ZNF280D: variants seen among roughly 807,000 people sequenced by gnomAD.
The protein encoded by ZNF280D is suppressor of hairy wing homolog 4.
Under a neutral mutation model 94.7 loss-of-function variants are expected in ZNF280D, and 39 were observed. That is an observed-to-expected ratio of 0.41 (90% confidence interval 0.32 to 0.54). ZNF280D has a LOEUF of 0.54. Among genes scored for constraint, ZNF280D ranks in the 20% least tolerant of loss-of-function variants. The pLI, the probability that ZNF280D is intolerant of heterozygous loss-of-function variation, is 0.22. For missense variants in ZNF280D, 1,090 were observed against 1,149.3 expected (o/e 0.95, Z 0.75); for synonymous variants, 398 against 377.6 (o/e 1.05, Z -0.63).
chr15:56,703,538 T>G (rs764522797), intron 4 of ZNF280D, among the ~76,000 whole-genome samples: 2 of 151,946 alleles, frequency 1.3e-5, no homozygotes, highest in Non-Finnish European at 2.9e-5. Context: ...TGGAGAAAAA[T>G]GAAAAAGAAT....
At chr15:56,654,115 C>T in intron 19 of ZNF280D, 83 bp downstream of exon 19, 1 of 1,537,888 alleles carries the variant, frequency 6.5e-7, no homozygotes, top group Non-Finnish European at 8.7e-7. Flanking sequence ...TAATACTTTT[C>T]ATTCGTATTA....
chr15:56,698,689 G>A (rs2056888587), intron 6 of ZNF280D: 1 of 152,090 alleles, frequency 6.6e-6, no homozygotes, highest in Admixed American at 6.6e-5. Flanking sequence ...TGATTTTTGT[G>A]TACGTGATTA....
At chr15:56,661,282 A>C (rs1395539227) in intron 16 of ZNF280D, among the ~76,000 whole-genome samples, 5 of 152,172 alleles carry the variant, frequency 3.3e-5, no homozygotes, top group Non-Finnish European at 7.3e-5. Flanking sequence ...AGTAGTTAGG[A>C]ATCTGATATG....
rs1210874393 is a variant in ZNF280D at position 56,707,356 on chromosome 15, G to A, written c.-85-50C>T. The A allele has an allele frequency of 5.5e-6, 8 of 1,444,610 alleles. No homozygotes were observed. The African/African-American group carries it at 1.1e-4, about 20-fold the overall frequency. The allele number at this position is 1,444,610 out of a possible 1,614,324, so 89.5% of individuals were successfully genotyped here. ...TAGGGTGGACTTCATTAAATTAGATGTATACATATTTAATCTTTTCTCCTA... is the reference window on the plus strand; with the variant it reads ...TAGGGTGGACTTCATTAAATTAGATATATACATATTTAATCTTTTCTCCTA... On this transcript the variant is annotated intron_variant, in intron 1 of 21. Coordinates refer to ENST00000267807, the MANE Select transcript of ZNF280D (RefSeq NM_017661.4).
chr15:56,708,783 G>T (rs1260975660), intron 1 of ZNF280D, among the ~76,000 whole-genome samples: 1 of 152,158 alleles, frequency 6.6e-6, no homozygotes, highest in Non-Finnish European at 1.5e-5. Context: ...AATAAATGGT[G>T]CTGGGAAAAC....
intron 6 of ZNF280D, chr15:56,700,002 A>C (rs571128132): frequency 6.1e-6 from 1 of 162,996 alleles, no homozygotes; most frequent in African/African-American, 2.4e-5. Context: ...ATCCACCATT[A>C]CTTTAGCATC....
At chr15:56,694,332 CACACACAA>C (rs1214809185) in intron 6 of ZNF280D, among the ~76,000 whole-genome samples, 2 of 139,102 alleles carry the variant, frequency 1.4e-5, no homozygotes, top group Admixed American at 1.5e-4. Context: ...CACACACACA[CACACACAA>C]GTATACTCCA....
chr15:56,635,165 T>G, intron 21 of ZNF280D, 30 bp downstream of exon 21: 1 of 1,406,514 alleles, frequency 7.1e-7, no homozygotes, highest in Non-Finnish European at 9.7e-7. Flanking sequence ...TACTTGAATT[T>G]TATGAAATTC....
intron 1 of ZNF280D, chr15:56,732,643 T>C (rs1264775000): frequency 6.6e-6 from 1 of 152,062 alleles, no homozygotes; most frequent in Non-Finnish European, 1.5e-5. Context: ...CAAAGGCCTT[T>C]GGCCAAAGGT....
intron 1 of ZNF280D, among the ~76,000 whole-genome samples, chr15:56,714,765 CA>C (rs1168538536): frequency 2.0e-5 from 3 of 151,996 alleles, no homozygotes; most frequent in Non-Finnish European, 4.4e-5. Context: ...TCCTTGAAGC[CA>C]AAACAATTCT....
At chr15:56,657,160 GTTCAAGAAATCAGAAGAATA>G (rs1371350026) in intron 17 of ZNF280D, among the ~76,000 whole-genome samples, 3 of 152,040 alleles carry the variant, frequency 2.0e-5, no homozygotes, top group Non-Finnish European at 2.9e-5. Flanking sequence ...AACAAAGAAA[GTTCAAGAAATCAGAAGAATA>G]TGAAACAATA....
intron 20 of ZNF280D, among the ~76,000 whole-genome samples, chr15:56,640,316 G>T (rs1178094493): frequency 8.6e-5 from 13 of 151,986 alleles, no homozygotes; most frequent in African/African-American, 2.4e-5. Context: ...TAGCAACAGG[G>T]TCTCACTTTG....
At chr15:56,713,848 G>C (rs2057901096) in intron 1 of ZNF280D, among the ~76,000 whole-genome samples, 1 of 152,028 alleles carries the variant, frequency 6.6e-6, no homozygotes, top group African/African-American at 2.4e-5. Context: ...ATGGAAAATT[G>C]GAAATTACTG....
At chr15:56,718,442 A>G (rs2058160402) in intron 1 of ZNF280D, among the ~76,000 whole-genome samples, 1 of 152,226 alleles carries the variant, frequency 6.6e-6, no homozygotes, top group Non-Finnish European at 1.5e-5. Flanking sequence ...CACCTCAAAT[A>G]TTATAGCATC....
intron 16 of ZNF280D, among the ~76,000 whole-genome samples, chr15:56,663,872 G>A (rs1211966542): frequency 2.6e-5 from 4 of 151,848 alleles, no homozygotes; most frequent in African/African-American, 9.7e-5. Context: ...CTAGCACTCT[G>A]GGGTGACAGA....
chr15:56,732,681 C>T (rs1279005255), intron 1 of ZNF280D: 1 of 152,120 alleles, frequency 6.6e-6, no homozygotes, highest in Non-Finnish European at 1.5e-5. Flanking sequence ...GCGGGTTCAC[C>T]TTGACGTTTT....
chr15:56,659,311 G>C (rs1342151954), intron 16 of ZNF280D, among the ~76,000 whole-genome samples: 1 of 151,144 alleles, frequency 6.6e-6, no homozygotes, highest in African/African-American at 2.4e-5. Flanking sequence ...AGTAAGGAAA[G>C]TTTCCTGTAC....
intron 1 of ZNF280D, among the ~76,000 whole-genome samples, chr15:56,720,580 C>T (rs2058302199): frequency 6.6e-6 from 1 of 152,150 alleles, no homozygotes; most frequent in Admixed American, 6.6e-5. Flanking sequence ...ATTCACTTTA[C>T]CCAGATCCAT....
chr15:56,632,109 C>T lies in ZNF280D; in HGVS notation c.2329G>A (p.Ala777Thr). The T allele has an allele frequency of 6.4e-7, 1 of 1,574,310 alleles. No individual in the cohort carries two copies. The highest frequency in any genetic ancestry group is 1.9e-5 in the Admixed American group (1 of 52,870). The change falls in exon 22 of 22, where the codon GCT becomes ACT. Residue 777 changes from alanine (A) to threonine (T), a missense_variant. By Grantham distance (58) the Ala-to-Thr change is moderately conservative. Around this residue, in one of 3 missense-constraint regions of ZNF280D, gnomAD observed 577 missense variants for 568.8 expected, o/e 1.01. Transcript: ENST00000267807. ...TSNSESKQDK[A>T]ASSKEKNGCN... ...CCATTTTTTTCTTTTGAAGAAGCAG[C>T]TTTATCTTGTTTACTGAAAAATAAA...
Sources: allele counts gnomAD v4.1 joint callset (sites outside exome capture counted in the v4.1 genomes callset), GRCh38; gene constraint gnomAD v4.1.1; regional missense constraint gnomAD v4.1.1; transcripts MANE v1.5; gene names NCBI Gene and HGNC (gene_info 2026-07-23, HGNC 2026-07-21).